The following DACH1 variants were observed in gnomAD, a reference collection of about 807,000 sequenced individuals.
The protein encoded by DACH1 is dachshund family transcription factor 1.
A neutral mutation model predicts 54.2 loss-of-function variants in DACH1; 12 were observed. The ratio of observed to expected loss-of-function variants is 0.22; its 90% confidence interval spans 0.14 to 0.36. The LOEUF is 0.36. DACH1 is among the 10% of genes least tolerant of loss of function. DACH1 has a pLI of 1.00. For missense variants in DACH1, 805 were observed against 929.8 expected, an observed-to-expected ratio of 0.87 and a Z score of 1.75; for synonymous variants, 386 against 366.2, an observed-to-expected ratio of 1.05 and a Z score of -0.62.
chr13:71,443,896 T>C (rs1170183148), intron 10 of DACH1, among the ~76,000 whole-genome samples: 1 of 152,174 alleles, frequency 6.6e-6, no homozygotes, highest in African/African-American at 2.4e-5. Flanking sequence ...ATTAAGGATA[T>C]GGCAGTACCA....
chr13:71,690,016 A>G (rs1036432655), intron 1 of DACH1, among the ~76,000 whole-genome samples: 2 of 152,154 alleles, frequency 1.3e-5, no homozygotes, highest in African/African-American at 2.4e-5. Context: ...CTTAATGAAT[A>G]TATTTTTGGA....
intron 3 of DACH1, among the ~76,000 whole-genome samples, chr13:71,582,680 C>T (rs1160733682): frequency 6.6e-6 from 1 of 152,138 alleles, no homozygotes; most frequent in Admixed American, 6.6e-5. Context: ...GGGTAGATTA[C>T]ATGCAGATGG....
At chr13:71,519,306 C>T (rs574922357) in intron 6 of DACH1, among the ~76,000 whole-genome samples, 7 of 151,802 alleles carry the variant, frequency 4.6e-5, no homozygotes, top group East Asian at 1.9e-4. Context: ...TATTCTATGA[C>T]GGGAAATAGT....
At chr13:71,864,912 T>C (rs892188899) in intron 1 of DACH1, among the ~76,000 whole-genome samples, 7 of 152,146 alleles carry the variant, frequency 4.6e-5, no homozygotes, top group African/African-American at 1.7e-4. Flanking sequence ...AGTGTGCACC[T>C]GCTCGCTGCT....
chr13:71,470,582 C>T (rs551778770), intron 10 of DACH1, among the ~76,000 whole-genome samples: 1 of 152,226 alleles, frequency 6.6e-6, no homozygotes, highest in East Asian at 1.9e-4. Context: ...CCTACTCAGC[C>T]TCCCAAAGTG....
At chr13:71,553,652 G>GTATATATATATA (rs368486773) in intron 6 of DACH1, among the ~76,000 whole-genome samples, 1 of 138,472 alleles carries the variant, frequency 7.2e-6, no homozygotes, top group African/African-American at 2.6e-5. Flanking sequence ...TATATATATA[G>GTATATATATATA]TATATATATA....
At chr13:71,479,099 T>A (rs374559806) in intron 8 of DACH1, 70 bp downstream of exon 8, 1 of 1,345,712 alleles carries the variant, frequency 7.4e-7, no homozygotes, top group East Asian at 2.6e-5. Context: ...TCAAAATAAA[T>A]CACCATCATA....
intron 1 of DACH1, among the ~76,000 whole-genome samples, chr13:71,736,266 A>G (rs985162777): frequency 1.3e-5 from 2 of 152,318 alleles, no homozygotes; most frequent in African/African-American, 4.8e-5. Context: ...ACCTTAGAAT[A>G]GATTACCATG....
At chr13:71,740,117 A>C (rs1481797222) in intron 1 of DACH1, among the ~76,000 whole-genome samples, 1 of 152,160 alleles carries the variant, frequency 6.6e-6, no homozygotes, top group Non-Finnish European at 1.5e-5. Context: ...GTTAACTAGA[A>C]TCCCACACGC....
At chr13:71,441,344 C>T (rs1873989059) in intron 10 of DACH1, among the ~76,000 whole-genome samples, 1 of 151,950 alleles carries the variant, frequency 6.6e-6, no homozygotes, top group Non-Finnish European at 1.5e-5. Context: ...ATCTTAGAGA[C>T]ATCGAATAAA....
intron 1 of DACH1, among the ~76,000 whole-genome samples, chr13:71,690,380 C>T (rs1314991167): frequency 6.6e-6 from 1 of 152,078 alleles, no homozygotes; most frequent in African/African-American, 2.4e-5. Context: ...TATTTTTAAC[C>T]TTTTAATCAC....
chr13:71,523,129 C>T (rs1412293926), intron 6 of DACH1, among the ~76,000 whole-genome samples: 1 of 152,028 alleles, frequency 6.6e-6, no homozygotes, highest in African/African-American at 2.4e-5. Context: ...ATGTGTGAGC[C>T]CCTTGTGCTC....
chr13:71,497,777 A>G (rs1241326094), intron 6 of DACH1, among the ~76,000 whole-genome samples: 1 of 151,550 alleles, frequency 6.6e-6, no homozygotes, highest in Non-Finnish European at 1.5e-5. Flanking sequence ...ACTTTGATAG[A>G]AATAATTTGG....
Position 71,559,868 on chromosome 13 carries a change from T to C in DACH1, c.1387A>G (p.Ser463Gly). The change falls in exon 5 of 11, where the codon AGC becomes GGC. Residue 463 changes from serine (S) to glycine (G), a missense_variant. By Grantham distance (56) the Ser-to-Gly change is moderately conservative (BLOSUM62 0). Transcript: ENST00000613252. ...GSHPSSHRSS[S>G]VSSSPARTES... ...GTCCGAGCAGGGGAGCTGGACACGC[T>C]GCTGCTGCGATGTGATGATGGGTGA... The C allele has an allele frequency of 6.2e-7, 1 of 1,613,482 alleles. No individual in the cohort carries two copies. The highest frequency in any genetic ancestry group is 2.2e-5 in the East Asian group (1 of 44,768).
At chr13:71,585,547 G>T (rs1406448502) in intron 3 of DACH1, among the ~76,000 whole-genome samples, 1 of 152,144 alleles carries the variant, frequency 6.6e-6, no homozygotes, top group East Asian at 1.9e-4. Flanking sequence ...TCAGAGAGTT[G>T]CCTGGGCCAT....
chr13:71,829,049 G>T (rs190628729), intron 1 of DACH1, among the ~76,000 whole-genome samples: 1 of 151,934 alleles, frequency 6.6e-6, no homozygotes, highest in East Asian at 1.9e-4. Flanking sequence ...ATGTACTAAC[G>T]TAAGAAAGTT....
intron 6 of DACH1, among the ~76,000 whole-genome samples, chr13:71,499,622 G>C (rs1879743664): frequency 6.6e-6 from 1 of 152,142 alleles, no homozygotes; most frequent in Non-Finnish European, 1.5e-5. Flanking sequence ...TGATATGCCT[G>C]CTATGAGGCT....
chr13:71,721,896 A>G (rs1278009950), intron 1 of DACH1, among the ~76,000 whole-genome samples: 1 of 152,136 alleles, frequency 6.6e-6, no homozygotes, highest in Non-Finnish European at 1.5e-5. Context: ...AAAGTTATGA[A>G]TATATACCTG....
intron 3 of DACH1, among the ~76,000 whole-genome samples, chr13:71,587,555 GTT>G (rs1186320712): frequency 2.0e-5 from 3 of 152,000 alleles, no homozygotes; most frequent in Non-Finnish European, 4.4e-5. Flanking sequence ...ACTTTTTGAA[GTT>G]TCTTATTATG....
Sources: gnomAD v4.1 joint callset for allele counts (sites outside exome capture counted in the v4.1 genomes callset) on GRCh38, gnomAD v4.1.1 for gene constraint, MANE v1.5 for transcripts, NCBI Gene and HGNC (gene_info 2026-07-23, HGNC 2026-07-21) for gene names.